CNTN5: variants seen among roughly 807,000 people sequenced by gnomAD.
The protein encoded by CNTN5 is contactin-5.
In CNTN5, 77 loss-of-function variants were observed where a neutral mutation model predicts 129.1. The observed-to-expected ratio is 0.60, with a 90% CI of 0.50 to 0.72. The LOEUF is 0.72. Ranked by LOEUF, CNTN5 falls within the 30% of genes least tolerant of loss-of-function variation. CNTN5 has a pLI of 0.00. For synonymous variants in CNTN5, 509 were observed against 465.6 expected, an observed-to-expected ratio of 1.09 and a Z score of -1.20; for missense variants, 1,478 against 1,328.8, an observed-to-expected ratio of 1.11 and a Z score of -1.75.
At chr11:99,693,913 A>G (rs971484253) in intron 3 of CNTN5, among the ~76,000 whole-genome samples, 8 of 152,114 alleles carry the variant, frequency 5.3e-5, no homozygotes, top group African/African-American at 1.7e-4. Context: ...GCATGTATCT[A>G]AGATGCCTAA....
intron 7 of CNTN5, among the ~76,000 whole-genome samples, chr11:99,953,936 AT>A (rs886534792): frequency 3.9e-5 from 6 of 152,044 alleles, no homozygotes; most frequent in Non-Finnish European, 8.8e-5. Flanking sequence ...CCTGGATGAT[AT>A]TGCCTAGATT....
intron 2 of CNTN5, among the ~76,000 whole-genome samples, chr11:99,469,799 C>T (rs996015497): frequency 4.0e-5 from 6 of 151,852 alleles, no homozygotes; most frequent in Non-Finnish European, 7.4e-5. Flanking sequence ...TACCTTTAAG[C>T]AAATCTCAAA....
At chr11:99,788,402 C>G (rs1418008473) in intron 3 of CNTN5, among the ~76,000 whole-genome samples, 1 of 151,880 alleles carries the variant, frequency 6.6e-6, no homozygotes, top group Non-Finnish European at 1.5e-5. Flanking sequence ...CGCTCAAAGA[C>G]AGGACTTATT....
chr11:100,291,811 TAAAA>T (rs1403042238), intron 18 of CNTN5, among the ~76,000 whole-genome samples: 45 of 149,490 alleles, frequency 3.0e-4, no homozygotes, highest in Non-Finnish European at 4.0e-4. Context: ...AATAAAAAAT[TAAAA>T]AAAGGAAAAA....
At chr11:100,314,165 T>A (rs1234411413) in intron 21 of CNTN5, among the ~76,000 whole-genome samples, 1 of 152,134 alleles carries the variant, frequency 6.6e-6, no homozygotes, top group Non-Finnish European at 1.5e-5. Flanking sequence ...TTTCCTGTAT[T>A]TTGTCAGGAC....
chr11:100,107,402 T>A (rs1433565877), intron 13 of CNTN5, among the ~76,000 whole-genome samples: 1 of 152,064 alleles, frequency 6.6e-6, no homozygotes, highest in East Asian at 1.9e-4. Flanking sequence ...ATTAAAATAT[T>A]CTAATTATGA....
Position 100,350,766 on chromosome 11 carries a change from T to C in CNTN5, c.3095T>C (p.Val1032Ala). 1 of 1,609,316 alleles carries C rather than the reference T, an allele frequency of 6.2e-7. No homozygotes were observed. Among genetic ancestry groups the C allele is most frequent in the South Asian group, 1.1e-5 (1 of 90,572 alleles). Residue 1032 changes from valine (V) to alanine (A), a missense_variant, in exon 24 of 25, where the codon GTA becomes GCA. Val to Ala is a moderately conservative substitution (Grantham distance 64). Coordinates refer to ENST00000524871, the MANE Select transcript of CNTN5 (RefSeq NM_014361.4). ...QVIETQKLQA[V>A]VPLPDAGVYI... ...ATTGAAACACAGAAACTTCAAGCAG[T>C]AGTACCACTCCCAGATGCTGGAGTC...
chr11:99,602,038 G>T (rs1201549624), intron 3 of CNTN5, among the ~76,000 whole-genome samples: 1 of 151,828 alleles, frequency 6.6e-6, no homozygotes, highest in Non-Finnish European at 1.5e-5. Flanking sequence ...CATATACAGA[G>T]ATATGCATAC....
At chr11:99,892,762 G>A (rs185563128) in intron 6 of CNTN5, among the ~76,000 whole-genome samples, 2 of 152,184 alleles carry the variant, frequency 1.3e-5, no homozygotes, top group African/African-American at 4.8e-5. Flanking sequence ...AGGTAGCCTT[G>A]AGGCCTCCAG....
At chr11:99,437,435 A>G (rs1476732448) in intron 2 of CNTN5, among the ~76,000 whole-genome samples, 2 of 152,230 alleles carry the variant, frequency 1.3e-5, no homozygotes, top group African/African-American at 2.4e-5. Flanking sequence ...AAGTCTGATT[A>G]AAGTATAATT....
In CNTN5 at chr11:99,409,729, C is replaced by T. The variant is rs79306328; in HGVS notation, c.-71+84245C>T. On this transcript the variant is annotated intron_variant, in intron 2 of 24. Coordinates refer to ENST00000524871, the MANE Select transcript of CNTN5 (RefSeq NM_014361.4). ...GGAACCGAGTGAACTCGTTGAATTG[C>T]TTAGAGGTCATTGCAGCCATCAAGT... 4.2e-3 allele frequency among the ~76,000 whole-genome samples: 644 copies of T among 152,210 alleles called. 22 individuals carry two copies. In the East Asian group the frequency reaches 0.095, roughly 22 times the overall value.
intron 1 of CNTN5, among the ~76,000 whole-genome samples, chr11:99,291,620 T>C (rs1591478405): frequency 1.3e-5 from 2 of 152,214 alleles, no homozygotes; most frequent in African/African-American, 2.4e-5. Context: ...ATATAACTTA[T>C]AGCTATACAT....
At chr11:99,426,133 TATG>T (rs1453994966) in intron 2 of CNTN5, among the ~76,000 whole-genome samples, 1 of 152,240 alleles carries the variant, frequency 6.6e-6, no homozygotes, top group Non-Finnish European at 1.5e-5. Context: ...ATGCTTCCTG[TATG>T]ATTTTATTAT....
intron 13 of CNTN5, among the ~76,000 whole-genome samples, chr11:100,148,220 A>G (rs1358318853): frequency 6.6e-6 from 1 of 152,174 alleles, no homozygotes; most frequent in African/African-American, 2.4e-5. Context: ...TGCTTAGTTT[A>G]TAATCCAAGC....
intron 6 of CNTN5, among the ~76,000 whole-genome samples, chr11:99,896,814 A>T (rs1565651504): frequency 6.6e-6 from 1 of 152,120 alleles, no homozygotes; most frequent in Non-Finnish European, 1.5e-5. Flanking sequence ...GTCCCAGCTG[A>T]GGGTTCCTGC....
intron 1 of CNTN5, among the ~76,000 whole-genome samples, chr11:99,246,358 A>G (rs1861816923): frequency 6.6e-6 from 1 of 152,200 alleles, no homozygotes; most frequent in African/African-American, 2.4e-5. Flanking sequence ...AATGACTGTG[A>G]GCCAGCAGAC....
intron 7 of CNTN5, among the ~76,000 whole-genome samples, chr11:99,951,357 C>T (rs572066466): frequency 7.2e-5 from 11 of 151,918 alleles, no homozygotes; most frequent in Admixed American, 2.0e-4. Flanking sequence ...TCATAATATC[C>T]TCAACTGTGC....
intron 3 of CNTN5, among the ~76,000 whole-genome samples, chr11:99,775,016 G>A (rs1221469863): frequency 1.3e-5 from 2 of 152,014 alleles, no homozygotes; most frequent in Non-Finnish European, 2.9e-5. Flanking sequence ...TGAATAAATT[G>A]ACCATGCTTT....
intron 10 of CNTN5, among the ~76,000 whole-genome samples, chr11:100,062,653 G>A (rs752711253): frequency 2.0e-5 from 3 of 152,140 alleles, no homozygotes; most frequent in Non-Finnish European, 4.4e-5. Flanking sequence ...ACTCAGAGGA[G>A]TCAGGAAAAG....
Sources: gnomAD v4.1 joint callset for allele counts (sites outside exome capture counted in the v4.1 genomes callset) on GRCh38, gnomAD v4.1.1 for gene constraint, MANE v1.5 for transcripts, NCBI Gene and HGNC (gene_info 2026-07-23, HGNC 2026-07-21) for gene names.